CIAO2A: variants seen among roughly 807,000 people sequenced by gnomAD.
CIAO2A encodes the protein MIP18 family protein FAM96A.
Under a neutral mutation model 22.4 loss-of-function variants are expected in CIAO2A, and 17 were observed. That is an observed-to-expected ratio of 0.76 (90% confidence interval 0.52 to 1.14). The LOEUF (loss-of-function observed/expected upper bound fraction) is 1.14. Ranked by LOEUF, CIAO2A falls within the 50% of genes most tolerant of loss-of-function variation. The pLI, the probability that CIAO2A is intolerant of heterozygous loss-of-function variation, is 0.00. For missense variants in CIAO2A, 192 were observed against 191.4 expected (o/e 1.00, Z -0.02); for synonymous variants, 74 against 72.3 (o/e 1.02, Z -0.12).
chr15:64,079,012 G>A (rs1381316370), intron 3 of CIAO2A, among the ~76,000 whole-genome samples: 1 of 151,576 alleles, frequency 6.6e-6, no homozygotes, highest in Non-Finnish European at 1.5e-5. Flanking sequence ...CTATATTCCA[G>A]CTTGGGCAAC....
At chr15:64,090,633 A>G (rs1436736451) in intron 1 of CIAO2A, among the ~76,000 whole-genome samples, 1 of 152,242 alleles carries the variant, frequency 6.6e-6, no homozygotes, top group African/African-American at 2.4e-5. Flanking sequence ...CATGAGAGCT[A>G]AAACAGGTCT....
chr15:64,073,117 C>T, intron 4 of CIAO2A, 89 bp from the exon 5 acceptor site: 1 of 807,534 alleles, frequency 1.2e-6, no homozygotes, highest in South Asian at 1.8e-5. Flanking sequence ...GAAACAAAAA[C>T]TTTAACTCCT....
At chr15:64,075,623 C>A in intron 3 of CIAO2A, 86 bp from the exon 4 acceptor site, 1 of 768,516 alleles carries the variant, frequency 1.3e-6, no homozygotes, top group Non-Finnish European at 2.0e-6. Context: ...TAAATTCAAA[C>A]ATCTAGGGAT....
At chr15:64,076,175 T>C (rs1238745700) in intron 3 of CIAO2A, among the ~76,000 whole-genome samples, 1 of 152,196 alleles carries the variant, frequency 6.6e-6, no homozygotes, top group African/African-American at 2.4e-5. Context: ...GAATATCTCT[T>C]TTCTGCACTC....
rs558503163 is a variant in CIAO2A, at chr15:64,072,831, T to C, written c.*100A>G. The C allele has an allele frequency of 3.3e-4, 236 of 724,856 alleles. 1 individual carries two copies. In the South Asian group the frequency reaches 4.6e-3, roughly 14 times the overall value. The allele number at this position is 724,856 out of a possible 1,614,324, so 44.9% of individuals were successfully genotyped here. A position where few individuals can be genotyped will look rare whatever the true frequency, so the allele number is the denominator to read the frequency against. Reference sequence around the variant, plus strand: ...GAATCCTTTAAAAAATACTCTGAGGTACAAATCACCTATGTATTAAACATG... The same window carrying C: ...GAATCCTTTAAAAAATACTCTGAGGCACAAATCACCTATGTATTAAACATG... On this transcript the variant is annotated 3_prime_UTR_variant, in exon 5 of 5. Transcript: ENST00000300030.
intron 4 of CIAO2A, 23 bp downstream of exon 4, chr15:64,075,469 A>G: frequency 6.7e-7 from 1 of 1,497,292 alleles, no homozygotes; most frequent in Non-Finnish European, 9.1e-7. Flanking sequence ...TTGTTTTTCA[A>G]TTATGTTTCA....
Position 64,072,961 on chromosome 15 carries a change from A to C in CIAO2A, c.453T>G (p.Ile151Met), listed in dbSNP as rs1567303259. 2 of 1,613,678 alleles carry C rather than the reference A, an allele frequency of 1.2e-6. No homozygotes were observed. The highest frequency in any genetic ancestry group is 1.7e-6 in the Non-Finnish European group (2 of 1,179,802). Reference sequence around the variant, plus strand: ...CAGGTTCAAGGACACACTGTTCCACAATTTCCCGTAAGTTGGGGTTTTCCA... The same window carrying C: ...CAGGTTCAAGGACACACTGTTCCACCATTTCCCGTAAGTTGGGGTTTTCCA... ...AAMENPNLRE[I>M]VEQCVLEPD Residue 151 changes from isoleucine (I) to methionine (M), a missense_variant, in exon 5 of 5, where the codon ATT (isoleucine) becomes ATG (methionine). By Grantham distance (10) the Ile-to-Met change is conservative. Coordinates refer to ENST00000300030, the MANE Select transcript of CIAO2A (RefSeq NM_032231.7).
At position 64,074,110 on chromosome 15, in the gene CIAO2A, T is replaced by C. The variant is rs139054745; in HGVS notation, c.386-1082A>G. 1.2e-4 allele frequency among the ~76,000 whole-genome samples: 18 copies of C among 152,266 alleles called. No homozygotes were observed. The East Asian group carries it at 2.9e-3, about 24-fold the overall frequency. ...CTACTAGATCTTTTTTTAAAATTAG[T>C]TTGAATGGATCTTCATATAATAAAG... On this transcript the variant is annotated intron_variant, in intron 4 of 4. Coordinates refer to ENST00000300030, the MANE Select transcript of CIAO2A (RefSeq NM_032231.7).
At chr15:64,081,371 C>A (rs1356280886) in intron 2 of CIAO2A, among the ~76,000 whole-genome samples, 3 of 152,036 alleles carry the variant, frequency 2.0e-5, no homozygotes. Context: ...TATTACTAAT[C>A]CCCTTCTACA....
At chr15:64,092,723 G>C (rs911714549) in intron 1 of CIAO2A, among the ~76,000 whole-genome samples, 1 of 152,204 alleles carries the variant, frequency 6.6e-6, no homozygotes. Flanking sequence ...TTAGCTCCCA[G>C]AGTATTTCCT....
intron 2 of CIAO2A, among the ~76,000 whole-genome samples, chr15:64,084,116 TCTC>T (rs1325438792): frequency 6.6e-6 from 1 of 152,172 alleles, no homozygotes. Flanking sequence ...TTTCATGCAC[TCTC>T]CTGATATTTG....
At chr15:64,079,152 T>A (rs1444128937) in intron 3 of CIAO2A, among the ~76,000 whole-genome samples, 1 of 151,672 alleles carries the variant, frequency 6.6e-6, no homozygotes, top group Non-Finnish European at 1.5e-5. Flanking sequence ...AAAAAAAAAA[T>A]TTAAAAGATA....
At position 64,088,810 on chromosome 15, in the gene CIAO2A, A is replaced by C. The variant is rs1487739917; in HGVS notation, c.166T>G (p.Leu56Val). ...TCCGAGACCACTTCCAGTTCTTCTA[A>C]AGTATTGGGCTTTTCTGGGTCCCGG... ...TIRDPEKPNT[L>V]EELEVVSESC... The change falls in exon 2 of 5, where the codon TTA becomes GTA. Residue 56 changes from leucine to valine, a missense_variant. Leu to Val is a conservative substitution (Grantham distance 32, BLOSUM62 1). Coordinates refer to ENST00000300030, the MANE Select transcript of CIAO2A (RefSeq NM_032231.7). 4.3e-6 allele frequency: 7 copies of C among 1,613,892 alleles called. No individual in the cohort carries two copies. The highest frequency in any genetic ancestry group is 1.3e-5 in the African/African-American group (1 of 74,916).
intron 1 of CIAO2A, among the ~76,000 whole-genome samples, chr15:64,092,063 CAAAAA>C (rs35475525): frequency 1.6e-5 from 1 of 63,716 alleles, no homozygotes; most frequent in Non-Finnish European, 3.1e-5. Context: ...GACCCTGTCT[CAAAAA>C]AAAAAAAAAA....
At chr15:64,078,430 T>C (rs1214850385) in intron 3 of CIAO2A, among the ~76,000 whole-genome samples, 1 of 149,780 alleles carries the variant, frequency 6.7e-6, no homozygotes, top group Non-Finnish European at 1.5e-5. Flanking sequence ...AAGTCAGGAG[T>C]TCAAGACCAA....
Position 64,082,035 on chromosome 15 carries a change from C to CAACAAA in CIAO2A, c.290-890_290-885dup, listed in dbSNP as rs547798907. On this transcript the variant is annotated intron_variant, in intron 2 of 4. Coordinates refer to ENST00000300030, the MANE Select transcript of CIAO2A (RefSeq NM_032231.7). ...TTTATCATCCCATGCTAAGACACATCAACAAAACCTCAAACCATACAGCAA... is the reference window on the plus strand; with the variant it reads ...TTTATCATCCCATGCTAAGACACATCAACAAAAACAAAACCTCAAACCATACAGCAA... 8.6e-3 allele frequency among the ~76,000 whole-genome samples: 1,316 copies of CAACAAA among 152,288 alleles called. 10 individuals carry two copies. Among genetic ancestry groups the CAACAAA allele is most frequent in the Non-Finnish European group, 0.013 (858 of 68,022 alleles).
intron 2 of CIAO2A, among the ~76,000 whole-genome samples, chr15:64,082,474 C>A (rs561500921): frequency 2.9e-4 from 44 of 152,070 alleles, no homozygotes; most frequent in Non-Finnish European, 5.7e-4. Flanking sequence ...GTGATCTGCC[C>A]GCCTCGGCCT....
intron 2 of CIAO2A, among the ~76,000 whole-genome samples, chr15:64,084,160 C>A (rs1018279943): frequency 3.9e-5 from 6 of 152,100 alleles, no homozygotes; most frequent in Non-Finnish European, 8.8e-5. Context: ...TAACTGCAAT[C>A]ATGATGCAAT....
At chr15:64,086,752 T>C (rs1373486583) in intron 2 of CIAO2A, among the ~76,000 whole-genome samples, 1 of 151,756 alleles carries the variant, frequency 6.6e-6, no homozygotes, top group Non-Finnish European at 1.5e-5. Context: ...TAGCCGGGAT[T>C]ACAGGTGCGT....
Sources: gnomAD v4.1 joint callset for allele counts (sites outside exome capture counted in the v4.1 genomes callset) on GRCh38, gnomAD v4.1.1 for gene constraint, MANE v1.5 for transcripts, NCBI Gene and HGNC (gene_info 2026-07-23, HGNC 2026-07-21) for gene names.